Variants in CDH23 observed in about 807,000 individuals in gnomAD.
The protein encoded by CDH23 is cadherin-23.
In CDH23, 189 loss-of-function variants were observed where a neutral mutation model predicts 317.1. The ratio of observed to expected loss-of-function variants is 0.60; its 90% CI spans 0.53 to 0.67. The LOEUF is 0.67. CDH23 is among the 30% of genes least tolerant of loss of function. The pLI is 0.00. For synonymous variants in CDH23, 1,839 were observed against 1,876.8 expected (o/e 0.98, Z 0.52); for missense variants, 4,401 against 4,592.4 (o/e 0.96, Z 1.20).
At chr10:71,514,638 G>A (rs1854177175) in intron 6 of CDH23, among the ~76,000 whole-genome samples, 1 of 152,070 alleles carries the variant, frequency 6.6e-6, no homozygotes, top group Non-Finnish European at 1.5e-5. Context: ...TTCCCCTCCT[G>A]CCCACCCCAC....
intron 2 of CDH23, among the ~76,000 whole-genome samples, chr10:71,444,369 G>A (rs530627065): frequency 1.4e-4 from 21 of 152,328 alleles, no homozygotes; most frequent in African/African-American, 5.1e-4. Flanking sequence ...GGCACAGGGA[G>A]GTTTCAAAAA....
At chr10:71,403,478 C>CT (rs1430245069) in intron 1 of CDH23, among the ~76,000 whole-genome samples, 8 of 121,154 alleles carry the variant, frequency 6.6e-5, no homozygotes, top group African/African-American at 2.7e-4. Context: ...TCCTTCCTTC[C>CT]TTCCTTCCTT....
rs181860942 is a variant in CDH23, at chr10:71,639,614, G to A, written c.1135-4247G>A. Among the ~76,000 whole-genome samples the A allele has an allele frequency of 5.3e-4, 81 of 152,278 alleles. 1 individual carries two copies. In the East Asian group the frequency reaches 8.1e-3, roughly 15 times the overall value. ...CAAACTTGAGTTCCAAGCCTTCCTTGGCTGCTGTGTGGCTTGAACACTTAC... is the reference window on the plus strand; with the variant it reads ...CAAACTTGAGTTCCAAGCCTTCCTTAGCTGCTGTGTGGCTTGAACACTTAC... On this transcript the variant is annotated intron_variant, in intron 11 of 69. Coordinates refer to ENST00000224721, the MANE Select transcript of CDH23 (RefSeq NM_022124.6).
At chr10:71,560,062 CAT>C (rs144287136) in intron 6 of CDH23, among the ~76,000 whole-genome samples, 253 of 152,338 alleles carry the variant, frequency 1.7e-3, no homozygotes, top group African/African-American at 5.8e-3. Context: ...GAGAAAGAAA[CAT>C]AGCCCACCTC....
chr10:71,698,986 C>T (rs1232718725), intron 22 of CDH23, among the ~76,000 whole-genome samples: 2 of 152,206 alleles, frequency 1.3e-5, no homozygotes, highest in Non-Finnish European at 1.5e-5. Context: ...TAAGAGTCCC[C>T]ACCCGATAGA....
chr10:71,799,105 T>C lies in CDH23; in HGVS notation c.7055-6T>C, dbSNP rs1420498241. The stretch of plus-strand genomic sequence containing the variant: ...CAAAATGGCAGTGGGAGCCTCTGTG[T>C]CTTAGGGAAGGTCATTGCCAACCGG... On this transcript the variant is annotated splice_polypyrimidine_tract_variant and splice_region_variant and intron_variant, in intron 50 of 69. Coordinates refer to ENST00000224721, the MANE Select transcript of CDH23 (RefSeq NM_022124.6). 6.2e-7 allele frequency: 1 copy of C among 1,611,724 alleles called. No homozygotes were observed. Among genetic ancestry groups the C allele is most frequent in the Admixed American group, 1.7e-5 (1 of 59,964 alleles).
At chr10:71,642,663 G>A (rs1019037672) in intron 11 of CDH23, among the ~76,000 whole-genome samples, 3 of 151,648 alleles carry the variant, frequency 2.0e-5, no homozygotes, top group Admixed American at 6.6e-5. Flanking sequence ...GCTTCCCGAC[G>A]TGCTGGGATT....
chr10:71,708,015 G>A (rs1865852799), intron 26 of CDH23, among the ~76,000 whole-genome samples: 1 of 152,082 alleles, frequency 6.6e-6, no homozygotes, highest in Non-Finnish European at 1.5e-5. Context: ...TTACAGTCTG[G>A]CCCTCAAGTC....
chr10:71,703,685 C>T lies in CDH23; in HGVS notation c.2733+991C>T, dbSNP rs118021777. ...TGAGCTTGGTGGTGCCCCACAGGCC[C>T]GCTGTGCCTCAGTTTCTTCATCTGT... On this transcript the variant is annotated intron_variant, in intron 24 of 69. Transcript: ENST00000224721. Among the ~76,000 whole-genome samples, 461 of 152,294 alleles carry T rather than the reference C, an allele frequency of 3.0e-3. 3 individuals are homozygous for T. The highest frequency in any genetic ancestry group is 6.3e-3 in the Admixed American group (97 of 15,308).
In CDH23 at chr10:71,802,969, G is replaced by C; in HGVS notation, c.7554G>C (p.Val2518=). ...CCAAGCCCCAGTTCAGCACAAGCGT[G>C]TATGAGAATGAGCCGGCGGGCACCT... The part of the protein sequence containing the change: ...QFSKPQFSTS[V]YENEPAGTSV... Residue 2518 remains valine, a synonymous_variant, in exon 54 of 70, where the codon GTG becomes GTC. Coordinates refer to ENST00000224721, the MANE Select transcript of CDH23 (RefSeq NM_022124.6). The C allele has an allele frequency of 6.2e-7, 1 of 1,614,066 alleles. No homozygotes were observed. The highest frequency in any genetic ancestry group is 8.5e-7 in the Non-Finnish European group (1 of 1,179,912).
intron 3 of CDH23, among the ~76,000 whole-genome samples, chr10:71,465,468 G>A (rs950358128): frequency 1.4e-4 from 22 of 152,228 alleles, no homozygotes; most frequent in South Asian, 6.2e-4. Context: ...CCAGGGTCGA[G>A]AGACTCCTCG....
chr10:71,769,682 G>A (rs779114597), intron 38 of CDH23, among the ~76,000 whole-genome samples: 16 of 152,182 alleles, frequency 1.1e-4, no homozygotes, highest in Non-Finnish European at 1.0e-4. Context: ...CCCATGATGA[G>A]TGAACAGCAG....
At chr10:71,561,464 T>C (rs967241481) in intron 6 of CDH23, among the ~76,000 whole-genome samples, 10 of 152,144 alleles carry the variant, frequency 6.6e-5, no homozygotes, top group Non-Finnish European at 1.3e-4. Context: ...TGGAGTGTAA[T>C]GTAACTCACA....
intron 44 of CDH23, 127 bp from the exon 45 acceptor site, chr10:71,788,813 G>T (rs1262780004): frequency 4.7e-6 from 3 of 636,156 alleles, no homozygotes; most frequent in Non-Finnish European, 8.6e-6. Context: ...GTGAGTTCAT[G>T]TTGGTGTGGG....
chr10:71,698,836 T>C (rs139769088), intron 22 of CDH23, among the ~76,000 whole-genome samples: 10 of 152,332 alleles, frequency 6.6e-5, no homozygotes, highest in African/African-American at 2.2e-4. Flanking sequence ...GGCACGTGGT[T>C]TAGTGATTAA....
chr10:71,487,091 T>C (rs566978713), intron 3 of CDH23, among the ~76,000 whole-genome samples: 4 of 152,164 alleles, frequency 2.6e-5, no homozygotes, highest in Non-Finnish European at 4.4e-5. Flanking sequence ...TTCCCCTGCC[T>C]GGAATGGCCT....
chr10:71,703,286 C>T (rs530592780), intron 24 of CDH23, among the ~76,000 whole-genome samples: 1 of 152,318 alleles, frequency 6.6e-6, no homozygotes, highest in East Asian at 1.9e-4. Flanking sequence ...CACCTCTGCC[C>T]TCCGGGGGCC....
chr10:71,716,064 G>A (rs936905416), intron 28 of CDH23: 17 of 1,514,424 alleles, frequency 1.1e-5, no homozygotes, highest in African/African-American at 9.7e-5. Flanking sequence ...GAGCCCAGGC[G>A]CTTCCAGAGC....
intron 22 of CDH23, 85 bp from the exon 23 acceptor site, chr10:71,701,937 C>T (rs368540185): frequency 3.4e-5 from 48 of 1,432,390 alleles, no homozygotes; most frequent in South Asian, 3.2e-4. Flanking sequence ...CCAGGACCAA[C>T]GTCTGAGCTC....
Sources: gnomAD v4.1 joint callset for allele counts (sites outside exome capture counted in the v4.1 genomes callset) on GRCh38, gnomAD v4.1.1 for gene constraint, MANE v1.5 for transcripts, NCBI Gene and HGNC (gene_info 2026-07-23, HGNC 2026-07-21) for gene names.